STX18: variants seen among roughly 807,000 people sequenced by gnomAD.
STX18 encodes syntaxin-18.
In STX18, 40 loss-of-function variants were observed where a neutral mutation model predicts 50.1. The observed-to-expected ratio is 0.80, with a 90% CI of 0.62 to 1.04. STX18 has a LOEUF of 1.04. Ranked by LOEUF, STX18 falls within the 50% of genes least tolerant of loss-of-function variation. The probability of loss-of-function intolerance (pLI) is 0.00; values close to 1 mark genes in which losing one functional copy is unlikely to be tolerated. For synonymous variants in STX18, 158 were observed against 151.8 expected, an observed-to-expected ratio of 1.04 and a Z score of -0.30; for missense variants, 410 against 415.8, an observed-to-expected ratio of 0.99 and a Z score of 0.12.
chr4:4,523,099 T>C (rs12504020), intron 1 of STX18, among the ~76,000 whole-genome samples: 68,154 of 152,044 alleles, frequency 0.45, 16,119 homozygotes, highest in African/African-American at 0.61. Flanking sequence ...AAATATTTTA[T>C]CCACAGATCA....
chr4:4,419,189 T>C lies in STX18; in HGVS notation c.*845A>G, dbSNP rs1490256666. The stretch of plus-strand genomic sequence containing the variant: ...TCATGCCTTCAGTTACACATAGGTG[T>C]TCCTGTTTACAGTTCCTGGAGGTCA... On this transcript the variant is annotated 3_prime_UTR_variant, in exon 11 of 11. Coordinates refer to ENST00000306200, the MANE Select transcript of STX18 (RefSeq NM_016930.4). 6.6e-6 allele frequency: 1 copy of C among 152,254 alleles called. No individual in the cohort carries two copies. Among genetic ancestry groups the C allele is most frequent in the Non-Finnish European group, 1.5e-5 (1 of 68,042 alleles). 9.4% of individuals were successfully genotyped at this position (152,254 alleles called of 1,614,324 possible). A position where few individuals can be genotyped will look rare whatever the true frequency, so the allele number is the denominator to read the frequency against.
At chr4:4,502,879 A>T (rs1430071458) in intron 1 of STX18, among the ~76,000 whole-genome samples, 1 of 152,120 alleles carries the variant, frequency 6.6e-6, no homozygotes, top group African/African-American at 2.4e-5. Context: ...ATCTCCTCCT[A>T]CTTCAGAAAA....
chr4:4,478,938 T>A (rs1249361821), intron 1 of STX18: 1 of 152,828 alleles, frequency 6.5e-6, no homozygotes, highest in African/African-American at 2.4e-5. Context: ...TTTTTCTTGC[T>A]GACTCCTGTA....
At chr4:4,490,416 C>G (rs1728893271) in intron 1 of STX18, among the ~76,000 whole-genome samples, 1 of 152,138 alleles carries the variant, frequency 6.6e-6, no homozygotes, top group African/African-American at 2.4e-5. Flanking sequence ...AATCTCATAA[C>G]AATGAGATTT....
chr4:4,535,191 A>G (rs1047105848), intron 1 of STX18, among the ~76,000 whole-genome samples: 5 of 152,232 alleles, frequency 3.3e-5, no homozygotes, highest in Admixed American at 3.3e-4. Flanking sequence ...TCCTTTATCT[A>G]TCTTTTCAAA....
chr4:4,497,879 G>A (rs987617404), intron 1 of STX18, among the ~76,000 whole-genome samples: 3 of 152,114 alleles, frequency 2.0e-5, no homozygotes, highest in Non-Finnish European at 4.4e-5. Context: ...TCCTGCAGAG[G>A]TAAACTAACA....
intron 6 of STX18, among the ~76,000 whole-genome samples, chr4:4,435,193 G>A (rs1725713351): frequency 6.6e-6 from 1 of 152,014 alleles, no homozygotes; most frequent in South Asian, 2.1e-4. Flanking sequence ...GAGTCTTAAA[G>A]TATGTTTTAC....
At chr4:4,433,634 G>A (rs1044605721) in intron 7 of STX18, among the ~76,000 whole-genome samples, 4 of 152,154 alleles carry the variant, frequency 2.6e-5, no homozygotes, top group African/African-American at 9.7e-5. Context: ...GCTCTATGCG[G>A]GAAATCAAGT....
intron 1 of STX18, among the ~76,000 whole-genome samples, chr4:4,518,672 C>T (rs1260446517): frequency 6.6e-6 from 1 of 152,072 alleles, no homozygotes. Context: ...CTTTTCCTTT[C>T]TTCCTTAATT....
chr4:4,474,802 A>G (rs1728092570), intron 1 of STX18, among the ~76,000 whole-genome samples: 1 of 152,218 alleles, frequency 6.6e-6, no homozygotes, highest in Non-Finnish European at 1.5e-5. Context: ...GCCTCCAGAA[A>G]AGAACACGGT....
At chr4:4,491,690 T>A (rs1728948869) in intron 1 of STX18, among the ~76,000 whole-genome samples, 1 of 152,258 alleles carries the variant, frequency 6.6e-6, no homozygotes, top group Middle Eastern at 3.4e-3. Context: ...GGTTGTCTTG[T>A]GATATCGTTG....
chr4:4,509,840 G>A (rs1729916722), intron 1 of STX18, among the ~76,000 whole-genome samples: 1 of 152,028 alleles, frequency 6.6e-6, no homozygotes, highest in Non-Finnish European at 1.5e-5. Context: ...ATGCAGGCAG[G>A]TATCTCCAGG....
intron 1 of STX18, among the ~76,000 whole-genome samples, chr4:4,535,148 T>C (rs926212748): frequency 2.0e-5 from 3 of 152,236 alleles, no homozygotes; most frequent in African/African-American, 7.2e-5. Context: ...ACTTTGAGGT[T>C]TCCACTGATT....
chr4:4,479,825 T>C (rs1014466531), intron 1 of STX18, among the ~76,000 whole-genome samples: 1 of 152,198 alleles, frequency 6.6e-6, no homozygotes, highest in Non-Finnish European at 1.5e-5. Context: ...TCTGCTCTTA[T>C]ACACATAAAG....
In STX18 at chr4:4,527,867, C is replaced by CACACATATATAT. The variant is rs372566368; in HGVS notation, c.168+13929_168+13930insATATATATGTGT. ...ATATATATATACACACACACACACA[C>CACACATATATAT]ATATATATATATATTAAAAACTACC... On this transcript the variant is annotated intron_variant, in intron 1 of 10. Transcript: ENST00000306200. Among the ~76,000 whole-genome samples the CACACATATATAT allele has an allele frequency of 6.3e-4, 86 of 137,206 alleles. 2 individuals carry two copies. The highest frequency in any genetic ancestry group is 1.7e-3 in the African/African-American group (64 of 37,866). The allele number at this position is 137,206 out of a possible 152,430, so 90.0% of individuals were successfully genotyped here.
chr4:4,425,508 T>G (rs1013633750), intron 7 of STX18: 1 of 537,192 alleles, frequency 1.9e-6, no homozygotes, highest in Non-Finnish European at 3.3e-6. Context: ...TGTATCTACC[T>G]ACCCGCTCTC....
At chr4:4,471,571 C>G in intron 2 of STX18, 68 bp downstream of exon 2, 1 of 1,097,824 alleles carries the variant, frequency 9.1e-7, no homozygotes, top group South Asian at 2.0e-5. Flanking sequence ...GGGCAAAAAG[C>G]GCAAAAGAAA....
chr4:4,420,164 CA>C lies in STX18; in HGVS notation c.913-36del. On this transcript the variant is annotated intron_variant, in intron 10 of 10. Transcript: ENST00000306200. The surrounding 1 kb of genome is among the most constrained non-coding windows in gnomAD (Gnocchi z 4.3). ...GACGGGAGCACAGGTGTTTTTATCA[CA>C]CAGGATTTTGGTTTGAGCAGCCCTG... 1 of 1,572,456 alleles carries C rather than the reference CA, an allele frequency of 6.4e-7. No individual in the cohort carries two copies. Among genetic ancestry groups the C allele is most frequent in the African/African-American group, 1.4e-5 (1 of 73,924 alleles).
At chr4:4,463,589 T>G (rs773275815) in intron 2 of STX18, among the ~76,000 whole-genome samples, 1 of 152,214 alleles carries the variant, frequency 6.6e-6, no homozygotes, top group Non-Finnish European at 1.5e-5. Flanking sequence ...GTGATTTGTA[T>G]GAAAGATATT....
Sources: allele counts gnomAD v4.1 joint callset (sites outside exome capture counted in the v4.1 genomes callset), GRCh38; gene constraint gnomAD v4.1.1; non-coding constraint Gnocchi (gnomAD v3.1); transcripts MANE v1.5; gene names NCBI Gene and HGNC (gene_info 2026-07-23, HGNC 2026-07-21).